ASB3: variants seen among roughly 807,000 people sequenced by gnomAD.
ASB3 encodes ankyrin repeat and SOCS box protein 3.
ASB3 carries 41 observed loss-of-function variants against 54.5 expected under a neutral mutation model. That is an observed-to-expected ratio of 0.75 (90% CI 0.59 to 0.98). ASB3 has a LOEUF of 0.98. ASB3 is among the 50% of genes least tolerant of loss of function. ASB3 has a pLI of 0.00. For missense variants in ASB3, 733 were observed against 620.0 expected (o/e 1.18, Z -1.94); for synonymous variants, 266 against 221.2 (o/e 1.20, Z -1.80).
intron 3 of ASB3, among the ~76,000 whole-genome samples, chr2:53,737,315 T>C (rs1229454729): frequency 6.6e-6 from 1 of 152,046 alleles, no homozygotes; most frequent in Non-Finnish European, 1.5e-5. Context: ...TTGGGAAAGG[T>C]GTACTCCAAC....
intron 9 of ASB3, among the ~76,000 whole-genome samples, chr2:53,692,787 T>A (rs1354754464): frequency 6.6e-6 from 1 of 152,230 alleles, no homozygotes; most frequent in Non-Finnish European, 1.5e-5. Flanking sequence ...ATATTTGTTC[T>A]CTACTGCTGC....
intron 1 of ASB3, among the ~76,000 whole-genome samples, chr2:53,771,632 G>C (rs982170831): frequency 2.0e-5 from 3 of 152,010 alleles, no homozygotes; most frequent in Non-Finnish European, 4.4e-5. Flanking sequence ...TTTAGTTACT[G>C]GTATGTTTTC....
rs1671142833 is a variant in ASB3, at chr2:53,728,774, G to T, written c.542C>A (p.Thr181Lys). Residue 181 changes from threonine to lysine, a missense_variant, in exon 5 of 10, where the codon ACA becomes AAA. By Grantham distance (78) the Thr-to-Lys change is moderately conservative. Coordinates refer to ENST00000263634, the MANE Select transcript of ASB3 (RefSeq NM_016115.5). ...NKECQDDFGI[T>K]PLFVAAQYGK... Reference sequence around the variant, plus strand: ...ATACTGAGCAGCCACAAATAAAGGTGTGATTCCAAAGTCATCCTGGCATTC... The same window carrying T: ...ATACTGAGCAGCCACAAATAAAGGTTTGATTCCAAAGTCATCCTGGCATTC... 3.1e-6 allele frequency: 5 copies of T among 1,612,608 alleles called. No homozygotes were observed. The highest frequency in any genetic ancestry group is 4.2e-6 in the Non-Finnish European group (5 of 1,179,276).
At chr2:53,687,138 C>T (rs1668673637) in intron 9 of ASB3, among the ~76,000 whole-genome samples, 1 of 151,976 alleles carries the variant, frequency 6.6e-6, no homozygotes, top group Non-Finnish European at 1.5e-5. Context: ...TAAGAATTTC[C>T]CCACAAAAAC....
intron 8 of ASB3, among the ~76,000 whole-genome samples, chr2:53,698,926 T>C (rs936343918): frequency 2.6e-5 from 4 of 152,258 alleles, no homozygotes; most frequent in Non-Finnish European, 5.9e-5. Context: ...GCTACTTCTA[T>C]ATTCTTAGGT....
chr2:53,692,811 G>C (rs1293408073), intron 9 of ASB3, among the ~76,000 whole-genome samples: 1 of 152,106 alleles, frequency 6.6e-6, no homozygotes, highest in African/African-American at 2.4e-5. Context: ...TACATAATTA[G>C]TAAAAGCAGA....
At chr2:53,762,886 C>G (rs968515326) in intron 2 of ASB3, among the ~76,000 whole-genome samples, 8 of 152,196 alleles carry the variant, frequency 5.3e-5, no homozygotes, top group Admixed American at 1.3e-4. Context: ...CAACTTGAGT[C>G]AGAAGACCAT....
intron 5 of ASB3, among the ~76,000 whole-genome samples, chr2:53,720,680 C>T (rs1213871560): frequency 6.6e-6 from 1 of 152,050 alleles, no homozygotes; most frequent in East Asian, 1.9e-4. Flanking sequence ...ATCACTGAGG[C>T]AGAAAATTAA....
chr2:53,686,574 T>C (rs1668641545), intron 9 of ASB3, among the ~76,000 whole-genome samples: 1 of 152,214 alleles, frequency 6.6e-6, no homozygotes, highest in Non-Finnish European at 1.5e-5. Context: ...ACCTAGTAAA[T>C]ATCCTACAGT....
chr2:53,763,707 TTCCGATATG>T (rs1176170280), intron 2 of ASB3: 2 of 166,582 alleles, frequency 1.2e-5, no homozygotes, highest in African/African-American at 4.8e-5. Context: ...AACTACACTA[TTCCGATATG>T]AAGAAGAGAT....
Position 53,754,108 on chromosome 2 carries a change from CA to C in ASB3, c.197-3168del, listed in dbSNP as rs199793200. On this transcript the variant is annotated intron_variant, in intron 2 of 9. Coordinates refer to ENST00000263634, the MANE Select transcript of ASB3 (RefSeq NM_016115.5). The stretch of plus-strand genomic sequence containing the variant: ...AAACAATGGGGGCATGCAAAAGAGA[CA>C]ATAGGAGCCACTCTGAAAGGGCATC... Among the ~76,000 whole-genome samples, 131 of 152,186 alleles carry C rather than the reference CA, an allele frequency of 8.6e-4. 4 individuals carry two copies. In the East Asian group the frequency reaches 0.021, roughly 24 times the overall value.
intron 1 of ASB3, chr2:53,774,756 G>A (rs1674215882): frequency 5.5e-6 from 2 of 364,164 alleles, no homozygotes; most frequent in South Asian, 7.4e-5. Context: ...CTCACTAGAA[G>A]TGAGTTCTTT....
chr2:53,708,962 G>C (rs1338384035), intron 7 of ASB3, among the ~76,000 whole-genome samples: 2 of 152,212 alleles, frequency 1.3e-5, no homozygotes, highest in African/African-American at 2.4e-5. Flanking sequence ...AAAATTTGCA[G>C]CCTGGCAAAT....
intron 7 of ASB3, among the ~76,000 whole-genome samples, chr2:53,703,022 A>G (rs1390126095): frequency 2.0e-5 from 3 of 152,214 alleles, no homozygotes; most frequent in Admixed American, 6.5e-5. Context: ...AATTAATTCT[A>G]TGAAACTAAT....
chr2:53,728,980 T>C (rs939334902), intron 4 of ASB3, 133 bp from the exon 5 acceptor site: 38 of 986,390 alleles, frequency 3.9e-5, no homozygotes, highest in Admixed American at 9.0e-5. Context: ...CAAAACAGTA[T>C]ACTGCTGTAT....
intron 5 of ASB3, among the ~76,000 whole-genome samples, chr2:53,722,812 T>C (rs1342904230): frequency 6.6e-6 from 1 of 152,128 alleles, no homozygotes; most frequent in African/African-American, 2.4e-5. Flanking sequence ...CCACTCCTAT[T>C]CAACATAGTA....
chr2:53,770,204 C>CA lies in ASB3; in HGVS notation c.-13-4620dup, dbSNP rs201507930. On this transcript the variant is annotated intron_variant, in intron 1 of 9. Coordinates refer to ENST00000263634, the MANE Select transcript of ASB3 (RefSeq NM_016115.5). The stretch of plus-strand genomic sequence containing the variant: ...GAACGTTTATAGTTCATCAATGACA[C>CA]AATATTATGCAACTATTAAAATGTA... Among the ~76,000 whole-genome samples, 1,398 of 152,050 alleles carry CA rather than the reference C, an allele frequency of 9.2e-3. 24 individuals are homozygous for CA. The highest frequency in any genetic ancestry group is 0.032 in the African/African-American group (1,325 of 41,452).
intron 1 of ASB3, chr2:53,767,411 G>C (rs1227964349): frequency 6.5e-6 from 1 of 152,862 alleles, no homozygotes; most frequent in Non-Finnish European, 1.5e-5. Flanking sequence ...AATTTCCAAA[G>C]CAGAACAAAA....
At chr2:53,746,861 A>T (rs572237644) in intron 3 of ASB3, among the ~76,000 whole-genome samples, 2 of 152,172 alleles carry the variant, frequency 1.3e-5, no homozygotes, top group South Asian at 4.2e-4. Context: ...GGTATTTTGT[A>T]TTAGTCAATA....
Sources: gnomAD v4.1 joint callset for allele counts (sites outside exome capture counted in the v4.1 genomes callset) on GRCh38, gnomAD v4.1.1 for gene constraint, MANE v1.5 for transcripts, NCBI Gene and HGNC (gene_info 2026-07-23, HGNC 2026-07-21) for gene names.